The following LTBP1 variants were observed in gnomAD, a reference collection of about 807,000 sequenced individuals.
LTBP1 encodes latent-transforming growth factor beta-binding protein 1.
LTBP1 carries 129 observed loss-of-function variants against 207.6 expected under a neutral mutation model. The observed-to-expected ratio is 0.62, with a 90% CI of 0.54 to 0.72. The LOEUF (loss-of-function observed/expected upper bound fraction) is 0.72, where lower values mean the gene tolerates loss of function less well. Ranked by LOEUF, LTBP1 falls within the 30% of genes least tolerant of loss-of-function variation. The pLI, the probability that LTBP1 is intolerant of heterozygous loss-of-function variation, is 0.00. For missense variants in LTBP1, 2,281 were observed against 2,217.2 expected (o/e 1.03, Z -0.58); for synonymous variants, 963 against 833.7 (o/e 1.16, Z -2.67).
chr2:33,396,505 A>G (rs1245747109), intron 32 of LTBP1, among the ~76,000 whole-genome samples: 2 of 152,224 alleles, frequency 1.3e-5, no homozygotes, highest in Non-Finnish European at 2.9e-5. Flanking sequence ...TATAGGCATG[A>G]GCCCAGACTT....
chr2:33,048,451 G>A (rs1325410385), intron 3 of LTBP1, among the ~76,000 whole-genome samples: 1 of 152,158 alleles, frequency 6.6e-6, no homozygotes, highest in African/African-American at 2.4e-5. Context: ...ATGTTGACCA[G>A]GCACATTGAT....
chr2:33,074,699 T>C (rs2077981473), intron 3 of LTBP1, among the ~76,000 whole-genome samples: 1 of 151,764 alleles, frequency 6.6e-6, no homozygotes, highest in African/African-American at 2.4e-5. Flanking sequence ...TGAAACCCCG[T>C]CTCTACTAAA....
intron 18 of LTBP1, among the ~76,000 whole-genome samples, chr2:33,276,672 GA>G (rs2093433019): frequency 6.6e-6 from 1 of 152,112 alleles, no homozygotes; most frequent in East Asian, 1.9e-4. Flanking sequence ...CCAACATGCT[GA>G]AACTCCCTCT....
intron 7 of LTBP1, among the ~76,000 whole-genome samples, chr2:33,211,162 A>T (rs948886249): frequency 6.6e-6 from 1 of 152,344 alleles, no homozygotes; most frequent in South Asian, 2.1e-4. Context: ...AAATAGTAAG[A>T]TTAAGTAGTA....
chr2:33,350,678 A>G (rs2094769109), intron 26 of LTBP1, among the ~76,000 whole-genome samples: 1 of 151,942 alleles, frequency 6.6e-6, no homozygotes, highest in South Asian at 2.1e-4. Flanking sequence ...GCCTAAAAGC[A>G]TCTGAAAAAG....
intron 31 of LTBP1, among the ~76,000 whole-genome samples, chr2:33,379,155 A>T (rs1279957063): frequency 6.7e-6 from 1 of 150,296 alleles, no homozygotes; most frequent in Non-Finnish European, 1.5e-5. Flanking sequence ...TTTCAAGAAA[A>T]TACTAGGTTG....
At chr2:33,326,334 T>G (rs2094426659) in intron 24 of LTBP1, among the ~76,000 whole-genome samples, 1 of 152,204 alleles carries the variant, frequency 6.6e-6, no homozygotes, top group Non-Finnish European at 1.5e-5. Flanking sequence ...GCAAAGCTGT[T>G]AATGACATAA....
chr2:33,348,371 T>C lies in LTBP1; in HGVS notation c.4000+861T>C, dbSNP rs1194722790. 5.3e-5 allele frequency among the ~76,000 whole-genome samples: 8 copies of C among 152,268 alleles called. 1 individual carries two copies. The South Asian group carries it at 1.2e-3, about 24-fold the overall frequency. ...CACATATTTCCTCAGTTATTAAATA[T>C]AGAAAGGTGAAGGGTATAGAATTAA... On this transcript the variant is annotated intron_variant, in intron 26 of 33. Coordinates refer to ENST00000404816, the MANE Select transcript of LTBP1 (RefSeq NM_206943.4).
At chr2:33,170,385 T>C (rs2085318349) in intron 5 of LTBP1, among the ~76,000 whole-genome samples, 2 of 151,272 alleles carry the variant, frequency 1.3e-5, no homozygotes, top group Admixed American at 6.6e-5. Flanking sequence ...CCTACGCCCA[T>C]AGAGTCTCGC....
intron 22 of LTBP1, among the ~76,000 whole-genome samples, chr2:33,302,772 A>G (rs1368301529): frequency 6.6e-6 from 1 of 151,992 alleles, no homozygotes; most frequent in African/African-American, 2.4e-5. Flanking sequence ...TAATCAATAT[A>G]CCTATTGAGG....
At chr2:33,345,589 C>A (rs2094691172) in intron 25 of LTBP1, among the ~76,000 whole-genome samples, 1 of 152,200 alleles carries the variant, frequency 6.6e-6, no homozygotes, top group African/African-American at 2.4e-5. Flanking sequence ...AATATTTCAA[C>A]TCTGCTTTAT....
chr2:33,176,823 C>G (rs2086111487), intron 5 of LTBP1, among the ~76,000 whole-genome samples: 2 of 152,102 alleles, frequency 1.3e-5, no homozygotes, highest in Non-Finnish European at 2.9e-5. Context: ...TTGCACATCC[C>G]TTTTGTTGCT....
chr2:33,359,042 G>C (rs539278823), intron 26 of LTBP1, among the ~76,000 whole-genome samples: 1 of 152,164 alleles, frequency 6.6e-6, no homozygotes, highest in Non-Finnish European at 1.5e-5. Flanking sequence ...AAACCACTTC[G>C]TAAACTGCTG....
Position 33,257,362 on chromosome 2 carries a change from A to G in LTBP1, c.2246A>G (p.His749Arg), listed in dbSNP as rs752885574. 6 of 1,614,188 alleles carry G rather than the reference A, an allele frequency of 3.7e-6. No individual in the cohort carries two copies. Among genetic ancestry groups the G allele is most frequent in the Non-Finnish European group, 5.1e-6 (6 of 1,180,020 alleles). Residue 749 changes from histidine to arginine, a missense_variant, in exon 12 of 34, where the codon CAT (histidine) becomes CGT (arginine). Physicochemically the swap from His to Arg is conservative, Grantham distance 29 (BLOSUM62 0). This residue lies in a region of LTBP1 where 1,671 missense variants were observed against 1,634.8 expected (regional missense o/e 1.02). Transcript: ENST00000404816. ...GVHRRRPIHH[H>R]VGKGPVFVKP... Reference sequence around the variant, plus strand: ...CATAGACGCAGGCCAATCCATCACCATGTAGGTAAAGGACCTGTATTTGTC... The same window carrying G: ...CATAGACGCAGGCCAATCCATCACCGTGTAGGTAAAGGACCTGTATTTGTC...
intron 5 of LTBP1, among the ~76,000 whole-genome samples, chr2:33,176,594 A>G (rs564970439): frequency 1.3e-5 from 2 of 152,286 alleles, no homozygotes; most frequent in African/African-American, 2.4e-5. Flanking sequence ...CTTTTTGGAA[A>G]TTCATCTGTT....
chr2:32,961,589 T>C (rs1005470770), intron 2 of LTBP1, among the ~76,000 whole-genome samples: 1 of 152,114 alleles, frequency 6.6e-6, no homozygotes, highest in African/African-American at 2.4e-5. Flanking sequence ...CACGTTGAAT[T>C]AGTCATTGAC....
At chr2:33,281,956 C>T (rs931066942) in intron 19 of LTBP1, among the ~76,000 whole-genome samples, 3 of 151,720 alleles carry the variant, frequency 2.0e-5, no homozygotes, top group African/African-American at 4.8e-5. Flanking sequence ...GTAGTGTAAA[C>T]GCAGCCCTGA....
chr2:33,281,546 G>C (rs2093559779), intron 19 of LTBP1, among the ~76,000 whole-genome samples: 1 of 152,162 alleles, frequency 6.6e-6, no homozygotes, highest in Admixed American at 6.5e-5. Flanking sequence ...GCCCTGGGAA[G>C]ACATTTAGGT....
At chr2:33,299,105 C>G (rs1468169278) in intron 20 of LTBP1, among the ~76,000 whole-genome samples, 1 of 152,004 alleles carries the variant, frequency 6.6e-6, no homozygotes, top group Admixed American at 6.6e-5. Context: ...GAAACTCCCT[C>G]TCTACTAAAA....
Sources: gnomAD v4.1 joint callset for allele counts (sites outside exome capture counted in the v4.1 genomes callset) on GRCh38, gnomAD v4.1.1 for gene constraint, gnomAD v4.1.1 regional missense constraint, MANE v1.5 for transcripts, NCBI Gene and HGNC (gene_info 2026-07-23, HGNC 2026-07-21) for gene names.